HMGB1: variants seen among roughly 807,000 people sequenced by gnomAD.
The protein encoded by HMGB1 is high mobility group box 1, also known as high mobility group protein B1.
For missense variants in HMGB1, 79 were observed against 253.5 expected, an observed-to-expected ratio of 0.31 and a Z score of 4.67; for synonymous variants, 81 against 84.0, an observed-to-expected ratio of 0.96 and a Z score of 0.19.
intron 1 of HMGB1, among the ~76,000 whole-genome samples, chr13:30,560,098 A>G (rs1869884644): frequency 6.6e-6 from 1 of 152,234 alleles, no homozygotes; most frequent in Admixed American, 6.5e-5. Flanking sequence ...GAGGGTAGAG[A>G]TTATATCCCA....
intron 1 of HMGB1, among the ~76,000 whole-genome samples, chr13:30,524,212 G>T (rs1029957920): frequency 6.6e-6 from 1 of 151,786 alleles, no homozygotes; most frequent in African/African-American, 2.4e-5. Flanking sequence ...AGGGGAGGGA[G>T]AGCATTAGGA....
intron 4 of HMGB1, chr13:30,462,289 G>C (rs919767977): frequency 2.0e-6 from 1 of 498,716 alleles, no homozygotes; most frequent in African/African-American, 1.9e-5. Flanking sequence ...ACATTTTCAT[G>C]AACTTCAAGA....
At chr13:30,574,002 C>T (rs565336311) in intron 1 of HMGB1, among the ~76,000 whole-genome samples, 1 of 152,176 alleles carries the variant, frequency 6.6e-6, no homozygotes, top group East Asian at 1.9e-4. Context: ...ACGGCAATAT[C>T]AATAATCATG....
At chr13:30,465,155 T>G in intron 1 of HMGB1, 1 of 961,884 alleles carries the variant, frequency 1.0e-6, no homozygotes, top group Non-Finnish European at 1.2e-6. Flanking sequence ...GTCAGCCATG[T>G]TCCAGCGAGC....
Position 30,478,472 on chromosome 13 carries a change from CATTAT to C in HMGB1, c.-14-14783_-14-14779del, listed in dbSNP as rs747523674. Among the ~76,000 whole-genome samples, 6 of 152,222 alleles carry C rather than the reference CATTAT, an allele frequency of 3.9e-5. No homozygotes were observed. The South Asian group carries it at 8.3e-4, about 21-fold the overall frequency. Reference sequence around the variant, plus strand: ...ATCTGCCTTTATGATGCATTATTATCATTATAACACTATCAAATTCTTATGAATAC... The same window carrying C: ...ATCTGCCTTTATGATGCATTATTATCAACACTATCAAATTCTTATGAATAC... On this transcript the variant is annotated intron_variant, in intron 1 of 4. Transcript: ENST00000405805.
chr13:30,575,615 T>G (rs991834160), intron 1 of HMGB1, among the ~76,000 whole-genome samples: 9 of 152,158 alleles, frequency 5.9e-5, no homozygotes, highest in Admixed American at 2.6e-4. Flanking sequence ...CCCACTCCTC[T>G]CCCCAAGTAA....
chr13:30,482,290 C>T (rs967442475), intron 1 of HMGB1, among the ~76,000 whole-genome samples: 6 of 151,904 alleles, frequency 3.9e-5, no homozygotes, highest in Non-Finnish European at 5.9e-5. Flanking sequence ...TCTCATTGTC[C>T]GAAAGATTAA....
At chr13:30,607,470 G>A (rs1179482096) in intron 1 of HMGB1, among the ~76,000 whole-genome samples, 2 of 152,156 alleles carry the variant, frequency 1.3e-5, no homozygotes, top group African/African-American at 4.8e-5. Flanking sequence ...GATGTGCCTT[G>A]CTTCCCCTTT....
At chr13:30,483,728 C>G (rs974039484) in intron 1 of HMGB1, among the ~76,000 whole-genome samples, 8 of 151,828 alleles carry the variant, frequency 5.3e-5, no homozygotes, top group Non-Finnish European at 1.0e-4. Flanking sequence ...ATCCTCCCTC[C>G]TCAGCCTCCT....
chr13:30,603,589 C>G (rs112948881), intron 1 of HMGB1, among the ~76,000 whole-genome samples: 1 of 152,128 alleles, frequency 6.6e-6, no homozygotes, highest in East Asian at 1.9e-4. Context: ...CCCTCAGTAT[C>G]TGTGGGGAAT....
At chr13:30,556,277 C>T (rs1258931102) in intron 1 of HMGB1, among the ~76,000 whole-genome samples, 5 of 152,084 alleles carry the variant, frequency 3.3e-5, no homozygotes, top group African/African-American at 1.2e-4. Flanking sequence ...TGGTGGTGAG[C>T]AACTGTAATC....
At position 30,615,252 on chromosome 13, in the gene HMGB1, T is replaced by C. The variant is rs747894773; in HGVS notation, c.-15+1419A>G. ...CTGAAATAACTAAAATGTCTTAAGT[T>C]ACTTTTTTAAATATACACATGCATA... On this transcript the variant is annotated intron_variant, in intron 1 of 4. Coordinates refer to the HMGB1 transcript ENST00000405805. Among the ~76,000 whole-genome samples the C allele has an allele frequency of 2.3e-4, 35 of 152,236 alleles. 1 individual carries two copies. Among genetic ancestry groups the C allele is most frequent in the Admixed American group, 2.1e-3 (32 of 15,282 alleles).
chr13:30,585,239 G>A (rs1436412151), intron 1 of HMGB1, among the ~76,000 whole-genome samples: 2 of 152,042 alleles, frequency 1.3e-5, no homozygotes, highest in Non-Finnish European at 2.9e-5. Context: ...CCTGAGCCTG[G>A]AAGGTAGAGA....
intron 1 of HMGB1, among the ~76,000 whole-genome samples, chr13:30,605,447 G>C (rs1250212948): frequency 6.6e-6 from 1 of 152,246 alleles, no homozygotes; most frequent in East Asian, 1.9e-4. Context: ...AAGCCAAGAA[G>C]TAGGAGAACT....
chr13:30,468,379 C>G (rs149107793), upstream of HMGB1, among the ~76,000 whole-genome samples: 162 of 152,234 alleles, frequency 1.1e-3, no homozygotes, highest in Non-Finnish European at 1.9e-3. Flanking sequence ...CTCAGCCTCC[C>G]GAGTAGCTGG....
At chr13:30,568,753 C>T (rs550517830) in intron 1 of HMGB1, among the ~76,000 whole-genome samples, 1 of 152,232 alleles carries the variant, frequency 6.6e-6, no homozygotes, top group East Asian at 1.9e-4. Context: ...GATGATTTCT[C>T]CCTCACAGCC....
intron 1 of HMGB1, among the ~76,000 whole-genome samples, chr13:30,538,824 T>C (rs1315819775): frequency 1.3e-5 from 2 of 151,278 alleles, no homozygotes; most frequent in Non-Finnish European, 2.9e-5. Context: ...CCCCTTTCTT[T>C]CTTTTTTCTT....
intron 1 of HMGB1, among the ~76,000 whole-genome samples, chr13:30,589,647 T>G (rs930735253): frequency 1.3e-5 from 2 of 152,100 alleles, no homozygotes; most frequent in Admixed American, 6.5e-5. Flanking sequence ...GGCAGGAAGA[T>G]CACTTGAGCC....
Position 30,559,253 on chromosome 13 carries a change from T to C in HMGB1, c.-15+57418A>G, listed in dbSNP as rs1388131984. 6.6e-6 allele frequency among the ~76,000 whole-genome samples: 1 copy of C among 152,096 alleles called. No individual in the cohort carries two copies. Among genetic ancestry groups the C allele is most frequent in the Non-Finnish European group, 1.5e-5 (1 of 68,006 alleles). ...GGCACTGGCCTCACTCCAAGGCCAG[T>C]GCTTCCTGTGCTTCTAGAGTGGCTA... is the stretch of plus-strand genomic sequence containing the variant. On this transcript the variant is annotated intron_variant, in intron 1 of 4. Transcript: ENST00000405805. The surrounding 1 kb of genome is among the most constrained non-coding windows in gnomAD (Gnocchi z 6.6).
Sources: allele counts gnomAD v4.1 joint callset (sites outside exome capture counted in the v4.1 genomes callset), GRCh38; gene constraint gnomAD v4.1.1; non-coding constraint Gnocchi (gnomAD v3.1); transcripts MANE v1.5; gene names NCBI Gene and HGNC (gene_info 2026-07-23, HGNC 2026-07-21).